Variants in AGBL1 observed in about 807,000 individuals in gnomAD.
AGBL1 encodes the protein cytosolic carboxypeptidase 4.
A neutral mutation model predicts 118.9 loss-of-function variants in AGBL1; 130 were observed. That is an observed-to-expected ratio of 1.09 (90% CI 0.95 to 1.26). AGBL1 has a LOEUF of 1.26. AGBL1 is among the 50% of genes most tolerant of loss of function. The pLI, the probability that AGBL1 is intolerant of heterozygous loss-of-function variation, is 0.00. For synonymous variants in AGBL1, 555 were observed against 478.9 expected, an observed-to-expected ratio of 1.16 and a Z score of -2.08; for missense variants, 1,584 against 1,298.1, an observed-to-expected ratio of 1.22 and a Z score of -3.38.
intron 18 of AGBL1, among the ~76,000 whole-genome samples, chr15:86,512,644 T>C (rs2083065788): frequency 6.6e-6 from 1 of 151,802 alleles, no homozygotes; most frequent in South Asian, 2.1e-4. Context: ...GCTTTTTCTT[T>C]TTCAGAAACT....
chr15:87,003,374 G>C (rs947320385), intron 24 of AGBL1, among the ~76,000 whole-genome samples: 6 of 147,134 alleles, frequency 4.1e-5, no homozygotes, highest in Admixed American at 1.4e-4. Context: ...GCTGGATTTG[G>C]TTTGCCAGTA....
chr15:86,273,879 T>C (rs2141698984), intron 15 of AGBL1, among the ~76,000 whole-genome samples: 1 of 152,290 alleles, frequency 6.6e-6, no homozygotes, highest in South Asian at 2.1e-4. Flanking sequence ...GAAATGGGAT[T>C]TGCATTTGCA....
chr15:86,964,981 A>G (rs112196665), intron 23 of AGBL1, among the ~76,000 whole-genome samples: 5,947 of 152,182 alleles, frequency 0.039, 159 homozygotes, highest in Middle Eastern at 0.071. Flanking sequence ...TTACAGCTGC[A>G]TAGTATTCCG....
intron 22 of AGBL1, among the ~76,000 whole-genome samples, chr15:86,699,447 C>T (rs1434575379): frequency 6.6e-6 from 1 of 152,000 alleles, no homozygotes; most frequent in Non-Finnish European, 1.5e-5. Context: ...GGGACAAATA[C>T]CTTGGCTACA....
At chr15:86,940,261 C>G (rs1483366180) in intron 23 of AGBL1, among the ~76,000 whole-genome samples, 1 of 151,802 alleles carries the variant, frequency 6.6e-6, no homozygotes, top group Non-Finnish European at 1.5e-5. Flanking sequence ...AACACACTTT[C>G]TTTTAGAAAA....
At chr15:86,432,296 A>G (rs2081943744) in intron 18 of AGBL1, among the ~76,000 whole-genome samples, 1 of 152,174 alleles carries the variant, frequency 6.6e-6, no homozygotes, top group Non-Finnish European at 1.5e-5. Flanking sequence ...CCCATCCATG[A>G]CATCACATTA....
At chr15:86,516,255 T>C (rs2142187969) in intron 18 of AGBL1, among the ~76,000 whole-genome samples, 1 of 152,282 alleles carries the variant, frequency 6.6e-6, no homozygotes, top group South Asian at 2.1e-4. Flanking sequence ...TGTTGGCAAA[T>C]TGTGAGGCAG....
intron 24 of AGBL1, chr15:86,988,521 G>A (rs138346601): frequency 0.034 from 5,224 of 152,446 alleles, 127 homozygotes; most frequent in Middle Eastern, 0.062. Flanking sequence ...ATTAATTTGA[G>A]AAGTATATTT....
At chr15:86,595,635 A>G (rs1007182238) in intron 21 of AGBL1, among the ~76,000 whole-genome samples, 7 of 152,070 alleles carry the variant, frequency 4.6e-5, no homozygotes, top group Non-Finnish European at 1.0e-4. Flanking sequence ...TCTTTCTTGG[A>G]CTATAATCAC....
chr15:86,539,244 G>A (rs531754217), intron 19 of AGBL1, among the ~76,000 whole-genome samples: 7 of 152,266 alleles, frequency 4.6e-5, no homozygotes, highest in South Asian at 4.1e-4. Flanking sequence ...TTGCCTTTGC[G>A]GAAAGGCACA....
intron 22 of AGBL1, among the ~76,000 whole-genome samples, chr15:86,905,740 C>G (rs531200810): frequency 6.6e-6 from 1 of 152,182 alleles, no homozygotes; most frequent in Non-Finnish European, 1.5e-5. Flanking sequence ...ATGACACTGA[C>G]ACCTCCATAC....
chr15:86,313,035 C>T (rs1448291516), intron 17 of AGBL1, among the ~76,000 whole-genome samples: 1 of 152,220 alleles, frequency 6.6e-6, no homozygotes, highest in Non-Finnish European at 1.5e-5. Context: ...AAGCAGCTTT[C>T]AGCTTCTGGA....
intron 18 of AGBL1, among the ~76,000 whole-genome samples, chr15:86,409,089 G>C (rs1164691768): frequency 6.6e-6 from 1 of 152,088 alleles, no homozygotes; most frequent in African/African-American, 2.4e-5. Flanking sequence ...ATTCCTGCCT[G>C]GCAAATGCCT....
chr15:86,638,930 A>G (rs979526039), intron 21 of AGBL1, among the ~76,000 whole-genome samples: 12 of 152,036 alleles, frequency 7.9e-5, no homozygotes, highest in Non-Finnish European at 1.6e-4. Context: ...CTTGGTAGCA[A>G]TCCACTTCCG....
chr15:86,160,393 G>C (rs2077250765), intron 5 of AGBL1, among the ~76,000 whole-genome samples: 1 of 152,126 alleles, frequency 6.6e-6, no homozygotes, highest in Non-Finnish European at 1.5e-5. Flanking sequence ...AGTCAAATTA[G>C]TGAGTCTTTG....
chr15:86,123,113 C>A (rs2141585425), intron 1 of AGBL1, among the ~76,000 whole-genome samples: 1 of 152,258 alleles, frequency 6.6e-6, no homozygotes, highest in East Asian at 1.9e-4. Flanking sequence ...AGATCTTTTC[C>A]CTGCTCCAGG....
intron 22 of AGBL1, among the ~76,000 whole-genome samples, chr15:86,897,907 G>A (rs2080153810): frequency 1.3e-5 from 2 of 150,360 alleles, no homozygotes; most frequent in East Asian, 2.0e-4. Context: ...GTATCTAGCT[G>A]AACTACAGGC....
chr15:86,603,691 GA>G (rs2084531352), intron 21 of AGBL1, among the ~76,000 whole-genome samples: 1 of 152,118 alleles, frequency 6.6e-6, no homozygotes, highest in South Asian at 2.1e-4. Context: ...ATCTGGAAGA[GA>G]AGAGAAACAG....
At chr15:86,332,848 A>G (rs574033468) in intron 17 of AGBL1, among the ~76,000 whole-genome samples, 11 of 152,174 alleles carry the variant, frequency 7.2e-5, no homozygotes, top group Admixed American at 1.3e-4. Context: ...AATTATACCA[A>G]TCATACTCTC....
Sources: gnomAD v4.1 joint callset for allele counts (sites outside exome capture counted in the v4.1 genomes callset) on GRCh38, gnomAD v4.1.1 for gene constraint, MANE v1.5 for transcripts, NCBI Gene and HGNC (gene_info 2026-07-23, HGNC 2026-07-21) for gene names.